Variants in RASA2 observed in about 807,000 individuals in gnomAD.
The protein encoded by RASA2 is ras GTPase-activating protein 2.
Under a neutral mutation model 118.2 loss-of-function variants are expected in RASA2, and 155 were observed. The observed-to-expected ratio is 1.31, with a 90% confidence interval of 1.15 to 1.50. RASA2 has a LOEUF of 1.50. Among genes scored for constraint, RASA2 ranks in the 40% most tolerant of loss-of-function variants. The probability of loss-of-function intolerance (pLI) is 0.00; values close to 1 mark genes in which losing one functional copy is unlikely to be tolerated. For synonymous variants in RASA2, 353 were observed against 349.1 expected (o/e 1.01, Z -0.12); for missense variants, 1,016 against 1,009.6 (o/e 1.01, Z -0.09).
Position 141,581,195 on chromosome 3 carries a change from TG to T in RASA2, c.1752+20del. 1 of 1,437,862 alleles carries T rather than the reference TG, an allele frequency of 7.0e-7. No homozygotes were observed. Among genetic ancestry groups the T allele is most frequent in the East Asian group, 2.7e-5 (1 of 37,446 alleles). 89.1% of individuals were successfully genotyped at this position (1,437,862 alleles called of 1,614,324 possible). ...TTAAAAAGGTATGATGGTTTTATTC[TG>T]GAATTGTTAATATTTATTTCATATA... On this transcript the variant is annotated intron_variant, in intron 17 of 23. Transcript: ENST00000286364.
intron 3 of RASA2, among the ~76,000 whole-genome samples, chr3:141,518,209 A>G (rs902218063): frequency 6.6e-6 from 1 of 151,704 alleles, no homozygotes. Flanking sequence ...TTATTTGGCC[A>G]GGTGCAGTGG....
At chr3:141,488,400 G>A (rs2081603911) in intron 1 of RASA2, among the ~76,000 whole-genome samples, 2 of 152,070 alleles carry the variant, frequency 1.3e-5, no homozygotes, top group Admixed American at 1.3e-4. Flanking sequence ...ATTCTTTCCT[G>A]GGCAGGATGT....
intron 23 of RASA2, among the ~76,000 whole-genome samples, chr3:141,610,751 A>G (rs1000645686): frequency 6.6e-6 from 1 of 151,880 alleles, no homozygotes; most frequent in Non-Finnish European, 1.5e-5. Context: ...TCGTCTCTCA[A>G]AGTGCTGAGG....
Position 141,586,056 on chromosome 3 carries a change from A to G in RASA2, c.1784A>G (p.Lys595Arg). ...GATGAAATTTCATCTACTGAAACTA[A>G]AGAGTCCAGTGGTACGAGTGAGCCT... ...FLDEISSTET[K>R]ESSGTSEPVH... The change falls in exon 18 of 24, where the codon AAA becomes AGA. Residue 595 changes from lysine (K) to arginine (R), a missense_variant. Coordinates refer to ENST00000286364, the MANE Select transcript of RASA2 (RefSeq NM_006506.5). 6.2e-7 allele frequency: 1 copy of G among 1,611,456 alleles called. No homozygotes were observed. Among genetic ancestry groups the G allele is most frequent in the Non-Finnish European group, 8.5e-7 (1 of 1,177,790 alleles).
At chr3:141,498,723 C>G (rs938005880) in intron 1 of RASA2, among the ~76,000 whole-genome samples, 1 of 152,094 alleles carries the variant, frequency 6.6e-6, no homozygotes, top group African/African-American at 2.4e-5. Context: ...GAAATAACAG[C>G]CATATCCCAT....
intron 4 of RASA2, among the ~76,000 whole-genome samples, chr3:141,533,043 A>G (rs577440775): frequency 6.6e-6 from 1 of 152,244 alleles, no homozygotes; most frequent in South Asian, 2.1e-4. Flanking sequence ...TGTATGTATG[A>G]TGAGACATGT....
At chr3:141,550,380 C>A (rs560586319) in intron 5 of RASA2, among the ~76,000 whole-genome samples, 1 of 152,152 alleles carries the variant, frequency 6.6e-6, no homozygotes, top group Admixed American at 6.5e-5. Context: ...CTGGCAAGAT[C>A]ACGGGGCAAA....
intron 1 of RASA2, among the ~76,000 whole-genome samples, chr3:141,492,909 G>A (rs1012592951): frequency 1.3e-5 from 2 of 152,096 alleles, no homozygotes; most frequent in African/African-American, 4.8e-5. Context: ...GCTGTGAATC[G>A]GATGAAAGAT....
At chr3:141,506,324 A>G (rs1163749553) in intron 1 of RASA2, among the ~76,000 whole-genome samples, 1 of 152,248 alleles carries the variant, frequency 6.6e-6, no homozygotes. Context: ...CTGTGGGAAC[A>G]ATGTATCTGC....
At position 141,575,687 on chromosome 3, in the gene RASA2, A is replaced by G. The variant is rs76603300; in HGVS notation, c.1484-1313A>G. 2.9e-3 allele frequency among the ~76,000 whole-genome samples: 423 copies of G among 148,034 alleles called. 3 individuals are homozygous for G. Among genetic ancestry groups the G allele is most frequent in the Middle Eastern group, 0.017 (5 of 292 alleles). ...TACTCCAAACTACATGCTGCCATTC[A>G]CTATACTCTATACTAACTGGTGATC... On this transcript the variant is annotated intron_variant, in intron 14 of 23. Transcript: ENST00000286364.
At chr3:141,522,048 T>C (rs1272645204) in intron 3 of RASA2, among the ~76,000 whole-genome samples, 1 of 152,148 alleles carries the variant, frequency 6.6e-6, no homozygotes, top group African/African-American at 2.4e-5. Flanking sequence ...CTTAAGATCT[T>C]AGATTCAGTA....
chr3:141,547,457 A>G (rs957076257), intron 5 of RASA2, among the ~76,000 whole-genome samples: 6 of 152,082 alleles, frequency 3.9e-5, no homozygotes, highest in African/African-American at 7.2e-5. Flanking sequence ...ATTTGTAGCT[A>G]TTGTGTAAGC....
Position 141,515,196 on chromosome 3 carries a change from AT to A in RASA2, c.252-1126del, listed in dbSNP as rs1296091009. On this transcript the variant is annotated intron_variant, in intron 2 of 23. Coordinates refer to ENST00000286364, the MANE Select transcript of RASA2 (RefSeq NM_006506.5). ...TACCTTGTTTTAATTTTTTAAAAAT[AT>A]TTTTTAAAGTTGATTTTAAAATTGC... Among the ~76,000 whole-genome samples, 10 of 152,318 alleles carry A rather than the reference AT, an allele frequency of 6.6e-5. No individual in the cohort carries two copies. The East Asian group carries it at 1.9e-3, about 29-fold the overall frequency.
At chr3:141,532,968 T>G (rs2082280093) in intron 4 of RASA2, among the ~76,000 whole-genome samples, 1 of 152,170 alleles carries the variant, frequency 6.6e-6, no homozygotes. Context: ...TTTTAATAAC[T>G]ATTTGCTTTG....
rs551761087 is a variant in RASA2, at chr3:141,582,525, T to C, written c.1752+1348T>C. Among the ~76,000 whole-genome samples, 4 of 152,332 alleles carry C rather than the reference T, an allele frequency of 2.6e-5. No homozygotes were observed. In the South Asian group the frequency reaches 6.2e-4, roughly 24 times the overall value. ...GCATCTGATCTTTTTTCCCCTGATA[T>C]AATCAGAATGTTTAGAGTTGATAAT... is the stretch of plus-strand genomic sequence containing the variant. On this transcript the variant is annotated intron_variant, in intron 17 of 23. Coordinates refer to ENST00000286364, the MANE Select transcript of RASA2 (RefSeq NM_006506.5).
rs1332837674 is a variant in RASA2 at position 141,609,539 on chromosome 3, A to G, written c.2329+16A>G. 1.3e-6 allele frequency: 2 copies of G among 1,503,102 alleles called. No homozygotes were observed. The highest frequency in any genetic ancestry group is 1.4e-5 in the African/African-American group (1 of 72,304). The allele number at this position is 1,503,102 out of a possible 1,614,324, so 93.1% of individuals were successfully genotyped here. ...AAGATGGAAGGTAAATACACAATCTATTTTTATATAACCATAATCTTTCAT... is the reference window on the plus strand; with the variant it reads ...AAGATGGAAGGTAAATACACAATCTGTTTTTATATAACCATAATCTTTCAT... On this transcript the variant is annotated intron_variant, in intron 22 of 23. Coordinates refer to ENST00000286364, the MANE Select transcript of RASA2 (RefSeq NM_006506.5).
intron 2 of RASA2, among the ~76,000 whole-genome samples, chr3:141,513,461 TA>T (rs1223061988): frequency 6.6e-6 from 1 of 152,188 alleles, no homozygotes; most frequent in African/African-American, 2.4e-5. Flanking sequence ...GGATGTGATA[TA>T]TAAAGGAAAT....
chr3:141,543,865 CT>C (rs201896406), intron 5 of RASA2, among the ~76,000 whole-genome samples: 1 of 130,976 alleles, frequency 7.6e-6, no homozygotes, highest in Non-Finnish European at 1.6e-5. Context: ...TTCTTTCTTT[CT>C]TTCTTTTTTC....
At chr3:141,505,995 T>G (rs771193941) in intron 1 of RASA2, among the ~76,000 whole-genome samples, 3 of 152,236 alleles carry the variant, frequency 2.0e-5, no homozygotes, top group Non-Finnish European at 2.9e-5. Flanking sequence ...ATACTTGCAG[T>G]ACATTTGTGA....
Sources: allele counts gnomAD v4.1 joint callset (sites outside exome capture counted in the v4.1 genomes callset), GRCh38; gene constraint gnomAD v4.1.1; transcripts MANE v1.5; gene names NCBI Gene and HGNC (gene_info 2026-07-23, HGNC 2026-07-21).